Variants in DAB2 observed in about 807,000 individuals in gnomAD.
DAB2 encodes DAB adaptor protein 2.
DAB2 carries 28 observed loss-of-function variants against 71.6 expected under a neutral mutation model. The observed-to-expected ratio is 0.39, with a 90% CI of 0.29 to 0.54. The LOEUF is 0.54. DAB2 is among the 20% of genes least tolerant of loss of function. The pLI is 0.68. For missense variants in DAB2, 867 were observed against 928.8 expected (o/e 0.93, Z 0.86); for synonymous variants, 345 against 339.7 (o/e 1.02, Z -0.17).
Position 39,377,056 on chromosome 5 carries a change from T to C in DAB2, c.1731A>G (p.Ala577=), listed in dbSNP as rs374524617. The stretch of plus-strand genomic sequence containing the variant: ...TTGACCAAGCATTGGGTGCCACAGA[T>C]GCAGAAGGGCCCCAGACAACAGGCA... ...PPVPVVWGPS[A]SVAPNAWSTT... is the part of the protein sequence containing the mutation. Residue 577 remains alanine, a synonymous_variant, in exon 12 of 15, where the codon GCA becomes GCG. Transcript: ENST00000320816. 4.3e-6 allele frequency: 7 copies of C among 1,614,098 alleles called. No individual in the cohort carries two copies. Among genetic ancestry groups the C allele is most frequent in the African/African-American group, 1.3e-5 (1 of 75,016 alleles).
chr5:39,398,956 AC>A (rs1166183755), intron 1 of DAB2, among the ~76,000 whole-genome samples: 1 of 152,108 alleles, frequency 6.6e-6, no homozygotes, highest in Non-Finnish European at 1.5e-5. Context: ...CATCCATAAA[AC>A]TTTTAGCAGG....
chr5:39,413,198 T>C (rs1755771171), intron 1 of DAB2, among the ~76,000 whole-genome samples: 1 of 152,086 alleles, frequency 6.6e-6, no homozygotes, highest in Admixed American at 6.6e-5. Flanking sequence ...TTGGAGTGAT[T>C]CAACATTGCC....
At position 39,392,444 on chromosome 5, in the gene DAB2, C is replaced by T; in HGVS notation, c.251G>A (p.Arg84Gln). ...MKLKGMAAAG[R>Q]SQGQHKQRIW... ...CCTTTGTTTGTGTTGTCCCTGAGAC[C>T]GACCAGCTGCCGCCATTCCCTGATG... The change falls in exon 4 of 15, where the codon CGG becomes CAG. Residue 84 changes from arginine (R) to glutamine (Q), a missense_variant. Physicochemically the swap from Arg to Gln is conservative, Grantham distance 43 (BLOSUM62 1). Coordinates refer to ENST00000320816, the MANE Select transcript of DAB2 (RefSeq NM_001343.4). 4 of 1,613,660 alleles carry T rather than the reference C, an allele frequency of 2.5e-6. No homozygotes were observed. The highest frequency in any genetic ancestry group is 2.5e-6 in the Non-Finnish European group (3 of 1,179,726).
At chr5:39,404,119 T>C (rs368631475) in intron 1 of DAB2, among the ~76,000 whole-genome samples, 1 of 151,840 alleles carries the variant, frequency 6.6e-6, no homozygotes, top group African/African-American at 2.4e-5. Flanking sequence ...CAGCATGATT[T>C]ATAATCCTTT....
chr5:39,375,634 C>T (rs936111713), intron 13 of DAB2, among the ~76,000 whole-genome samples: 1 of 152,090 alleles, frequency 6.6e-6, no homozygotes, highest in Non-Finnish European at 1.5e-5. Context: ...ACTGTAATCC[C>T]AGCACTGAGG....
intron 14 of DAB2, 136 bp from the exon 15 acceptor site, chr5:39,373,561 A>G (rs1754750361): frequency 6.6e-6 from 1 of 152,210 alleles, no homozygotes; most frequent in African/African-American, 2.4e-5. Flanking sequence ...GATGAAGATG[A>G]TAAATGTAGA....
intron 1 of DAB2, among the ~76,000 whole-genome samples, chr5:39,395,937 C>CTTTTTTTTTTTTTTTTTTTTT (rs3024228): frequency 1.3e-5 from 1 of 74,858 alleles, no homozygotes; most frequent in Non-Finnish European, 2.3e-5. Context: ...CACAGATATT[C>CTTTTTTTTTTTTTTTTTTTTT]TTTTTTTTTT....
rs550800224 is a variant in DAB2, at chr5:39,376,365, A to G, written c.2138-259T>C. 3.3e-5 allele frequency among the ~76,000 whole-genome samples: 5 copies of G among 152,306 alleles called. No individual in the cohort carries two copies. In the South Asian group the frequency reaches 1.0e-3, roughly 32 times the overall value. On this transcript the variant is annotated intron_variant, in intron 12 of 14. Transcript: ENST00000320816. Reference sequence around the variant, plus strand: ...TGGGACATGGATGACGCCTTATTACACAGCCCTCCAAGAGTCACCAGTCAT... The same window carrying G: ...TGGGACATGGATGACGCCTTATTACGCAGCCCTCCAAGAGTCACCAGTCAT...
At chr5:39,390,971 G>A (rs1335730394) in intron 4 of DAB2, among the ~76,000 whole-genome samples, 1 of 152,162 alleles carries the variant, frequency 6.6e-6, no homozygotes, top group Non-Finnish European at 1.5e-5. Context: ...CTAAGCTAGA[G>A]GAGTGTTCAC....
chr5:39,381,807 G>T (rs1049589929), intron 10 of DAB2, among the ~76,000 whole-genome samples, 191 bp from the exon 11 acceptor site: 1 of 152,124 alleles, frequency 6.6e-6, no homozygotes, highest in Non-Finnish European at 1.5e-5. Context: ...TTCCTACAAC[G>T]GACGGACTAC....
At chr5:39,378,411 A>G (rs543795625) in intron 11 of DAB2, among the ~76,000 whole-genome samples, 1 of 152,372 alleles carries the variant, frequency 6.6e-6, no homozygotes, top group East Asian at 1.9e-4. Context: ...GCTTTGGTGC[A>G]TGGCATTCTT....
At chr5:39,405,293 C>A (rs1755587300) in intron 1 of DAB2, among the ~76,000 whole-genome samples, 1 of 152,296 alleles carries the variant, frequency 6.6e-6, no homozygotes, top group East Asian at 1.9e-4. Flanking sequence ...AGAGTATACA[C>A]CCATTTCAGC....
intron 1 of DAB2, among the ~76,000 whole-genome samples, chr5:39,414,248 T>G (rs1755797283): frequency 6.6e-6 from 1 of 152,122 alleles, no homozygotes; most frequent in African/African-American, 2.4e-5. Context: ...ATGGATATCT[T>G]AATTCACAAT....
chr5:39,375,765 A>G (rs1208732093), intron 13 of DAB2, among the ~76,000 whole-genome samples: 4 of 152,282 alleles, frequency 2.6e-5, no homozygotes, highest in African/African-American at 9.6e-5. Flanking sequence ...ACGTGCCTAT[A>G]GTCCCACCTA....
chr5:39,387,999 G>GT (rs1027789125), intron 9 of DAB2: 43 of 235,164 alleles, frequency 1.8e-4, no homozygotes, highest in African/African-American at 9.8e-4. Context: ...CTTTCTTCAA[G>GT]TAGGCTTATT....
At chr5:39,390,725 A>G in intron 4 of DAB2, 150 bp from the exon 5 acceptor site, 1 of 549,824 alleles carries the variant, frequency 1.8e-6, no homozygotes, top group Non-Finnish European at 3.1e-6. Flanking sequence ...TGAAGGCTAG[A>G]GCATTACTCT....
intron 1 of DAB2, among the ~76,000 whole-genome samples, chr5:39,402,425 A>G (rs1755524429): frequency 6.6e-6 from 1 of 152,048 alleles, no homozygotes; most frequent in South Asian, 2.1e-4. Context: ...TTATTTATTT[A>G]TTTATTCTGA....
At chr5:39,375,879 C>G (rs1433612374) in intron 13 of DAB2, 118 bp downstream of exon 13, 1 of 794,140 alleles carries the variant, frequency 1.3e-6, no homozygotes, top group Middle Eastern at 3.7e-4. Context: ...GAGCAAGACT[C>G]TGTCTTAAAA....
chr5:39,404,428 AT>A (rs1755567038), intron 1 of DAB2, among the ~76,000 whole-genome samples: 1 of 149,928 alleles, frequency 6.7e-6, no homozygotes, highest in Non-Finnish European at 1.5e-5. Flanking sequence ...AAAAAAATAA[AT>A]AAATAAAAAA....
Sources: allele counts gnomAD v4.1 joint callset (sites outside exome capture counted in the v4.1 genomes callset), GRCh38; gene constraint gnomAD v4.1.1; transcripts MANE v1.5; gene names NCBI Gene and HGNC (gene_info 2026-07-23, HGNC 2026-07-21).